The following UNC13C variants were observed in gnomAD, a reference collection of about 807,000 sequenced individuals.
UNC13C encodes the protein unc-13 homolog C.
In UNC13C, 174 loss-of-function variants were observed where a neutral mutation model predicts 245.4. The observed-to-expected ratio is 0.71, with a 90% CI of 0.63 to 0.80. The LOEUF is 0.80. Among genes scored for constraint, UNC13C ranks in the 30% least tolerant of loss-of-function variants. The probability of loss-of-function intolerance (pLI) is 0.00; values close to 1 mark genes in which losing one functional copy is unlikely to be tolerated. For synonymous variants in UNC13C, 992 were observed against 895.1 expected, an observed-to-expected ratio of 1.11 and a Z score of -1.93; for missense variants, 2,829 against 2,602.9, an observed-to-expected ratio of 1.09 and a Z score of -1.89.
chr15:54,133,817 C>A (rs1014245498), intron 2 of UNC13C, among the ~76,000 whole-genome samples: 2 of 152,052 alleles, frequency 1.3e-5, no homozygotes, highest in Non-Finnish European at 2.9e-5. Context: ...TGATTATCTG[C>A]ATATCTGTAC....
At chr15:54,528,048 G>T (rs546637763) in intron 25 of UNC13C, among the ~76,000 whole-genome samples, 1 of 152,110 alleles carries the variant, frequency 6.6e-6, no homozygotes, top group Admixed American at 6.5e-5. Flanking sequence ...ATAATTAATT[G>T]TAAAAAATCC....
At chr15:54,449,184 T>C (rs778170867) in intron 19 of UNC13C, among the ~76,000 whole-genome samples, 4 of 152,172 alleles carry the variant, frequency 2.6e-5, no homozygotes, top group Non-Finnish European at 5.9e-5. Context: ...GTAACCCGAC[T>C]TTTCTCTCTG....
chr15:54,614,452 T>C (rs955768633), intron 30 of UNC13C, among the ~76,000 whole-genome samples: 2 of 152,062 alleles, frequency 1.3e-5, no homozygotes, highest in African/African-American at 4.8e-5. Context: ...CTGTAGCTGT[T>C]ATATTACAAG....
chr15:54,595,297 C>T lies in UNC13C; in HGVS notation c.6107-27030C>T, dbSNP rs370867569. Reference sequence around the variant, plus strand: ...ATAAGGAGACTTTTCTCCTCAGAGGCCACCCATGGCTTCCCATGGGTGTCT... The same window carrying T: ...ATAAGGAGACTTTTCTCCTCAGAGGTCACCCATGGCTTCCCATGGGTGTCT... On this transcript the variant is annotated intron_variant, in intron 30 of 32. Transcript: ENST00000260323. Among the ~76,000 whole-genome samples the T allele has an allele frequency of 5.3e-5, 8 of 152,162 alleles. No homozygotes were observed. In the South Asian group the frequency reaches 6.2e-4, roughly 12 times the overall value.
At chr15:54,430,185 A>G (rs1051404872) in intron 19 of UNC13C, among the ~76,000 whole-genome samples, 5 of 151,728 alleles carry the variant, frequency 3.3e-5, no homozygotes, top group African/African-American at 1.2e-4. Context: ...GAATAAGAAA[A>G]AAGCTATTCA....
intron 24 of UNC13C, among the ~76,000 whole-genome samples, chr15:54,519,083 T>A (rs1017580571): frequency 3.3e-5 from 5 of 152,206 alleles, no homozygotes; most frequent in African/African-American, 1.2e-4. Flanking sequence ...TAACACATTA[T>A]CTGTGCTTTG....
chr15:54,301,379 G>C (rs2037578100), intron 13 of UNC13C, among the ~76,000 whole-genome samples: 1 of 149,788 alleles, frequency 6.7e-6, no homozygotes, highest in South Asian at 2.1e-4. Context: ...ATGGTGGTTT[G>C]CTGCACCCAT....
chr15:53,988,746 A>G (rs1894255501), intron 1 of UNC13C, among the ~76,000 whole-genome samples: 2 of 151,948 alleles, frequency 1.3e-5, no homozygotes, highest in Admixed American at 6.6e-5. Flanking sequence ...TTCTTGCTGC[A>G]GGGAAAATCT....
intron 19 of UNC13C, 104 bp from the exon 20 acceptor site, chr15:54,494,504 C>T (rs1893863943): frequency 8.8e-7 from 1 of 1,139,752 alleles, no homozygotes; most frequent in Non-Finnish European, 1.2e-6. Flanking sequence ...ATCTAATATA[C>T]TATTTTCTTC....
chr15:53,991,019 C>T (rs931881536), intron 1 of UNC13C, among the ~76,000 whole-genome samples: 8 of 152,022 alleles, frequency 5.3e-5, no homozygotes, highest in Non-Finnish European at 8.8e-5. Flanking sequence ...AGTAGGGCCA[C>T]ACCTACTTCC....
chr15:54,329,972 G>T (rs2038396591), intron 14 of UNC13C, among the ~76,000 whole-genome samples: 1 of 152,024 alleles, frequency 6.6e-6, no homozygotes, highest in African/African-American at 2.4e-5. Context: ...AGGGAATTCA[G>T]AGCTGGTATA....
chr15:53,961,334 C>T, the UNC13C span, among the ~76,000 whole-genome samples: 2 of 152,248 alleles, frequency 1.3e-5, no homozygotes, highest in African/African-American at 2.4e-5. Flanking sequence ...ATTGCTTCAC[C>T]TCTCAGGAAG....
chr15:54,550,941 G>C (rs1227120096), intron 28 of UNC13C, among the ~76,000 whole-genome samples: 1 of 152,160 alleles, frequency 6.6e-6, no homozygotes, highest in East Asian at 1.9e-4. Flanking sequence ...TCTAATATCT[G>C]TGTGATGTTA....
intron 4 of UNC13C, among the ~76,000 whole-genome samples, chr15:54,163,604 G>A (rs946857911): frequency 6.6e-6 from 1 of 152,116 alleles, no homozygotes; most frequent in African/African-American, 2.4e-5. Context: ...TTTATAACTA[G>A]AGCCTGTTGT....
the UNC13C span, among the ~76,000 whole-genome samples, chr15:53,941,771 A>G: frequency 6.6e-6 from 1 of 152,208 alleles, no homozygotes; most frequent in Non-Finnish European, 1.5e-5. Context: ...CATCTCCCAA[A>G]AGAGGACATT....
chr15:54,593,002 T>A (rs1455980754), intron 30 of UNC13C, among the ~76,000 whole-genome samples: 1 of 152,152 alleles, frequency 6.6e-6, no homozygotes, highest in African/African-American at 2.4e-5. Flanking sequence ...AGTGATGGCT[T>A]GGTAATGGTG....
At chr15:53,886,433 G>A in the UNC13C span, among the ~76,000 whole-genome samples, 1 of 151,984 alleles carries the variant, frequency 6.6e-6, no homozygotes, top group African/African-American at 2.4e-5. Context: ...AAAAAGGTGA[G>A]GAACAAATGA....
the UNC13C span, among the ~76,000 whole-genome samples, chr15:53,840,900 G>A: frequency 1.3e-5 from 2 of 152,126 alleles, no homozygotes; most frequent in Admixed American, 1.3e-4. Context: ...AGAAGTATGA[G>A]GCATAGCATG....
chr15:54,180,760 T>C (rs2033770796), intron 4 of UNC13C, among the ~76,000 whole-genome samples: 2 of 151,318 alleles, frequency 1.3e-5, no homozygotes, highest in Non-Finnish European at 2.9e-5. Flanking sequence ...TGATGAATTT[T>C]TTTTCATATA....
Sources: allele counts gnomAD v4.1 joint callset (sites outside exome capture counted in the v4.1 genomes callset), GRCh38; gene constraint gnomAD v4.1.1; transcripts MANE v1.5; gene names NCBI Gene and HGNC (gene_info 2026-07-23, HGNC 2026-07-21).